Variants in CBLN2 observed in about 807,000 individuals in gnomAD.
CBLN2 encodes cerebellin-2.
In CBLN2, 7 loss-of-function variants were observed where a neutral mutation model predicts 15.0. That is an observed-to-expected ratio of 0.47 (90% CI 0.27 to 0.88). CBLN2 has a LOEUF of 0.88. Ranked by LOEUF, CBLN2 falls within the 40% of genes least tolerant of loss-of-function variation. The probability of loss-of-function intolerance (pLI) is 0.14; values close to 1 mark genes in which losing one functional copy is unlikely to be tolerated. For synonymous variants in CBLN2, 149 were observed against 135.2 expected, an observed-to-expected ratio of 1.10 and a Z score of -0.71; for missense variants, 242 against 304.5, an observed-to-expected ratio of 0.79 and a Z score of 1.53.
intron 1 of CBLN2, among the ~76,000 whole-genome samples, chr18:72,560,207 G>C (rs1279870313): frequency 1.3e-5 from 2 of 152,174 alleles, no homozygotes; most frequent in South Asian, 2.1e-4. Context: ...AAAGAGGGAG[G>C]GCGCAGGATG....
At chr18:72,560,591 CAG>C (rs2069253652) in intron 1 of CBLN2, among the ~76,000 whole-genome samples, 1 of 152,200 alleles carries the variant, frequency 6.6e-6, no homozygotes, top group Non-Finnish European at 1.5e-5. Flanking sequence ...GTGGCTGTGA[CAG>C]AGACCGCATG....
chr18:72,572,502 A>C (rs184629353), intron 1 of CBLN2, among the ~76,000 whole-genome samples: 1 of 152,258 alleles, frequency 6.6e-6, no homozygotes, highest in East Asian at 1.9e-4. Context: ...TCAAATGTCC[A>C]TTTATCTCTC....
intron 2 of CBLN2, among the ~76,000 whole-genome samples, chr18:72,542,781 T>C (rs1335884919): frequency 6.6e-6 from 1 of 152,120 alleles, no homozygotes; most frequent in African/African-American, 2.4e-5. Flanking sequence ...TCCTCTATTT[T>C]TCAATCCTCG....
chr18:72,552,425 C>T (rs967031983), intron 1 of CBLN2: 2 of 151,962 alleles, frequency 1.3e-5, no homozygotes. Context: ...TTTAAATCAG[C>T]TTATCATACA....
intron 1 of CBLN2, chr18:72,620,679 C>A (rs1363225828): frequency 6.6e-6 from 1 of 152,140 alleles, no homozygotes; most frequent in Non-Finnish European, 1.5e-5. Context: ...GGATTTTCTG[C>A]TAGAAGGCAG....
chr18:72,560,196 T>A (rs2069251197), intron 1 of CBLN2, among the ~76,000 whole-genome samples: 1 of 152,180 alleles, frequency 6.6e-6, no homozygotes, highest in African/African-American at 2.4e-5. Context: ...CTTGTGGGTC[T>A]AAAGAGGGAG....
At chr18:72,624,571 C>A (rs1439713729) in intron 1 of CBLN2, among the ~76,000 whole-genome samples, 1 of 152,128 alleles carries the variant, frequency 6.6e-6, no homozygotes, top group Non-Finnish European at 1.5e-5. Context: ...ACCCAGGAGA[C>A]AGAGTTTGCA....
chr18:72,555,848 C>A (rs2069223752), intron 1 of CBLN2, among the ~76,000 whole-genome samples: 1 of 152,188 alleles, frequency 6.6e-6, no homozygotes, highest in South Asian at 2.1e-4. Flanking sequence ...AGTCCCTGAA[C>A]AAGTTCCCTC....
intron 1 of CBLN2, among the ~76,000 whole-genome samples, chr18:72,597,637 TC>T (rs889224209): frequency 6.6e-6 from 1 of 152,104 alleles, no homozygotes; most frequent in African/African-American, 2.4e-5. Flanking sequence ...GGAGACAAGT[TC>T]CCCCTGTCCC....
intron 1 of CBLN2, among the ~76,000 whole-genome samples, chr18:72,633,829 A>G (rs919697394): frequency 6.6e-6 from 1 of 152,188 alleles, no homozygotes; most frequent in Non-Finnish European, 1.5e-5. Flanking sequence ...TTCTCGTAAA[A>G]TCATAGATTA....
intron 1 of CBLN2, among the ~76,000 whole-genome samples, chr18:72,632,455 A>C (rs112203091): frequency 6.6e-6 from 1 of 152,168 alleles, no homozygotes; most frequent in African/African-American, 2.4e-5. Context: ...TGATGGGTGT[A>C]TGTATATGCT....
chr18:72,628,064 T>C (rs2069751889), intron 1 of CBLN2, among the ~76,000 whole-genome samples: 6 of 152,238 alleles, frequency 3.9e-5, no homozygotes, highest in African/African-American at 1.4e-4. Flanking sequence ...GAATTCTTGA[T>C]GACAACAGTG....
At chr18:72,615,305 T>G (rs1400849363) in intron 1 of CBLN2, among the ~76,000 whole-genome samples, 2 of 146,022 alleles carry the variant, frequency 1.4e-5, no homozygotes, top group Non-Finnish European at 3.0e-5. Flanking sequence ...GACAGAGTTT[T>G]GCTCTTTGTT....
chr18:72,583,193 A>G (rs1198648919), intron 1 of CBLN2, among the ~76,000 whole-genome samples: 1 of 152,194 alleles, frequency 6.6e-6, no homozygotes, highest in Non-Finnish European at 1.5e-5. Context: ...CTTAAACCAC[A>G]TATGTTCACC....
intron 1 of CBLN2, among the ~76,000 whole-genome samples, chr18:72,615,033 GTACATATATATATATATATATA>G (rs2069647401): frequency 3.3e-5 from 4 of 121,930 alleles, no homozygotes; most frequent in Non-Finnish European, 6.6e-5. Flanking sequence ...AGGAGATCAA[GTACATATATATATATATATATA>G]TAAATATATA....
chr18:72,611,247 G>A (rs2069620489), intron 1 of CBLN2, among the ~76,000 whole-genome samples: 1 of 152,062 alleles, frequency 6.6e-6, no homozygotes, highest in Non-Finnish European at 1.5e-5. Flanking sequence ...ATTCCTTTGG[G>A]TATTAATCTA....
chr18:72,553,762 G>C (rs191171630), intron 1 of CBLN2, among the ~76,000 whole-genome samples: 97 of 152,144 alleles, frequency 6.4e-4, no homozygotes, highest in African/African-American at 2.1e-3. Context: ...AAGAGGACAG[G>C]GTTAAAGTCC....
At chr18:72,607,377 G>T (rs1389940550) in intron 1 of CBLN2, among the ~76,000 whole-genome samples, 1 of 152,204 alleles carries the variant, frequency 6.6e-6, no homozygotes, top group East Asian at 1.9e-4. Flanking sequence ...ACTTGGAAAT[G>T]CACATGTGTT....
chr18:72,566,545 G>A (rs1454543979), intron 1 of CBLN2, among the ~76,000 whole-genome samples: 2 of 152,186 alleles, frequency 1.3e-5, no homozygotes, highest in Non-Finnish European at 2.9e-5. Context: ...TAAGTGAAAT[G>A]TCAGGCACAG....
Sources: gnomAD v4.1 joint callset for allele counts (sites outside exome capture counted in the v4.1 genomes callset) on GRCh38, gnomAD v4.1.1 for gene constraint, MANE v1.5 for transcripts, NCBI Gene and HGNC (gene_info 2026-07-23, HGNC 2026-07-21) for gene names.